Variants in VPS13B observed in about 807,000 individuals in gnomAD.
VPS13B encodes the protein vacuolar protein sorting 13 homolog B.
VPS13B carries 285 observed loss-of-function variants against 426.4 expected under a neutral mutation model. That is an observed-to-expected ratio of 0.67 (90% CI 0.61 to 0.74). The LOEUF (loss-of-function observed/expected upper bound fraction) is 0.74, where lower values mean the gene tolerates loss of function less well. VPS13B is among the 30% of genes least tolerant of loss of function. The probability of loss-of-function intolerance (pLI) is 0.00; values close to 1 mark genes in which losing one functional copy is unlikely to be tolerated. For synonymous variants in VPS13B, 1,676 were observed against 1,676.4 expected (o/e 1.00, Z 0.01); for missense variants, 4,537 against 4,782.6 (o/e 0.95, Z 1.51).
chr8:99,856,405 C>T (rs1475860706), intron 56 of VPS13B, among the ~76,000 whole-genome samples: 1 of 152,168 alleles, frequency 6.6e-6, no homozygotes, highest in African/African-American at 2.4e-5. Context: ...GCATCCTTGT[C>T]GAGGGAAGGG....
chr8:99,778,976 A>T lies in VPS13B; in HGVS notation c.7724A>T (p.Asn2575Ile), dbSNP rs549157416. The T allele has an allele frequency of 8.7e-6, 14 of 1,613,736 alleles. No homozygotes were observed. The highest frequency in any genetic ancestry group is 1.2e-5 in the Non-Finnish European group (14 of 1,179,858). ...CTVIVDSVFV[N>I]LGQHVVHSLN... ...GTGATAGTTGATTCTGTATTTGTAA[A>T]CCTTGGACAGCATGTAGTCCATTCA... is the stretch of plus-strand genomic sequence containing the variant. Residue 2575 changes from asparagine (N) to isoleucine (I), a missense_variant, in exon 42 of 62, where the codon AAC becomes ATC. Asn to Ile is a moderately radical substitution (Grantham distance 149). Around this residue, in one of 2 missense-constraint regions of VPS13B, gnomAD observed 4,311 missense variants for 4,474.3 expected, o/e 0.96. Coordinates refer to ENST00000357162, the MANE Select transcript of VPS13B (RefSeq NM_152564.5).
At position 99,103,096 on chromosome 8, in the gene VPS13B, G is replaced by T. The variant is rs1274877104; in HGVS notation, c.556G>T (p.Asp186Tyr). Residue 186 changes from aspartate to tyrosine, a missense_variant, in exon 5 of 62, where the codon GAT (aspartate) becomes TAT (tyrosine). By Grantham distance (160) the Asp-to-Tyr change is radical. Transcript: ENST00000357162. ...AECYTVGELW[D>Y]RAFMDISATD... Reference sequence around the variant, plus strand: ...ATGTTATACAGTAGGTGAATTATGGGATCGTGCATTCATGGATATTTCTGG... The same window carrying T: ...ATGTTATACAGTAGGTGAATTATGGTATCGTGCATTCATGGATATTTCTGG... 6.2e-7 allele frequency: 1 copy of T among 1,613,990 alleles called. No individual in the cohort carries two copies. Among genetic ancestry groups the T allele is most frequent in the Middle Eastern group, 1.7e-4 (1 of 6,058 alleles).
At chr8:99,052,640 G>A (rs1410251796) in intron 3 of VPS13B, among the ~76,000 whole-genome samples, 1 of 149,610 alleles carries the variant, frequency 6.7e-6, no homozygotes, top group Non-Finnish European at 1.5e-5. Flanking sequence ...GGTAGAATTC[G>A]GCCGTGAATC....
At chr8:99,212,010 A>C (rs900332191) in intron 17 of VPS13B, among the ~76,000 whole-genome samples, 10 of 151,582 alleles carry the variant, frequency 6.6e-5, no homozygotes, top group Non-Finnish European at 1.2e-4. Flanking sequence ...CTCCTGCCTC[A>C]GCCTCCTGAG....
At position 99,848,728 on chromosome 8, in the gene VPS13B, A is replaced by G. The variant is rs761523405; in HGVS notation, c.9943-48A>G. 3.8e-6 allele frequency: 6 copies of G among 1,563,568 alleles called. No individual in the cohort carries two copies. The East Asian group carries it at 1.1e-4, about 29-fold the overall frequency. ...ACATTTGAAGTCAAGCCACTTCAAT[A>G]GTGTTTCTTATTTCTTTTTAATCAG... is the stretch of plus-strand genomic sequence containing the variant. On this transcript the variant is annotated intron_variant, in intron 54 of 61. Transcript: ENST00000357162.
intron 19 of VPS13B, among the ~76,000 whole-genome samples, chr8:99,288,426 T>C (rs1819556605): frequency 6.6e-6 from 1 of 152,042 alleles, no homozygotes; most frequent in African/African-American, 2.4e-5. Flanking sequence ...GAGAGAATTA[T>C]GGTTATTTGG....
chr8:99,721,589 T>C (rs895868864), intron 39 of VPS13B, among the ~76,000 whole-genome samples: 1 of 152,202 alleles, frequency 6.6e-6, no homozygotes, highest in African/African-American at 2.4e-5. Context: ...TAAATGTCAT[T>C]GTGGATATCA....
At chr8:99,597,175 A>G (rs1465743451) in intron 33 of VPS13B, among the ~76,000 whole-genome samples, 1 of 151,832 alleles carries the variant, frequency 6.6e-6, no homozygotes, top group Non-Finnish European at 1.5e-5. Context: ...TGTGGTTTTG[A>G]TGGGGCTTCC....
chr8:99,257,942 A>C (rs993027947), intron 17 of VPS13B, among the ~76,000 whole-genome samples: 9 of 151,852 alleles, frequency 5.9e-5, no homozygotes, highest in Non-Finnish European at 1.0e-4. Flanking sequence ...ATTACTAAGA[A>C]CTTAGTTTCA....
intron 43 of VPS13B, among the ~76,000 whole-genome samples, chr8:99,807,415 C>G (rs1330675174): frequency 6.7e-6 from 1 of 148,806 alleles, no homozygotes; most frequent in Non-Finnish European, 1.5e-5. Context: ...AGTACCTTGC[C>G]TCATTATTTT....
chr8:99,633,806 GGTGTGTGTGTGTGTGTGTGT>G (rs139474452), intron 33 of VPS13B, among the ~76,000 whole-genome samples: 1 of 143,874 alleles, frequency 7.0e-6, no homozygotes, highest in African/African-American at 2.6e-5. Context: ...GAATGTGTCA[GGTGTGTGTGTGTGTGTGTGT>G]GTGTGTGTGT....
intron 33 of VPS13B, among the ~76,000 whole-genome samples, chr8:99,619,007 A>G (rs1031561867): frequency 6.6e-6 from 1 of 151,346 alleles, no homozygotes; most frequent in Admixed American, 6.6e-5. Flanking sequence ...TGCTTTCCTC[A>G]TGGTGGTGTT....
intron 39 of VPS13B, among the ~76,000 whole-genome samples, chr8:99,756,852 G>A (rs550460064): frequency 6.6e-5 from 10 of 152,142 alleles, no homozygotes; most frequent in Non-Finnish European, 1.2e-4. Context: ...ACATTATGGG[G>A]TCTATCTTAT....
chr8:99,234,438 T>C (rs905808559), intron 17 of VPS13B: 30 of 642,510 alleles, frequency 4.7e-5, no homozygotes, highest in Non-Finnish European at 9.0e-5. Context: ...TCCATGATTT[T>C]CCCATGCAAT....
At chr8:99,062,553 C>T (rs1208300915) in intron 3 of VPS13B, among the ~76,000 whole-genome samples, 1 of 152,214 alleles carries the variant, frequency 6.6e-6, no homozygotes, top group Non-Finnish European at 1.5e-5. Flanking sequence ...ACTGCAACCT[C>T]CGCCTCCCAG....
intron 21 of VPS13B, among the ~76,000 whole-genome samples, chr8:99,429,048 C>T (rs556376612): frequency 3.9e-5 from 6 of 152,048 alleles, no homozygotes; most frequent in Non-Finnish European, 7.4e-5. Context: ...CCAAACACAG[C>T]ATATTCTCAC....
intron 25 of VPS13B, among the ~76,000 whole-genome samples, chr8:99,490,575 C>T (rs886495866): frequency 3.3e-5 from 5 of 152,284 alleles, no homozygotes; most frequent in African/African-American, 1.2e-4. Flanking sequence ...GCCTCAATTT[C>T]AGAGCCTGTT....
intron 39 of VPS13B, among the ~76,000 whole-genome samples, chr8:99,727,336 A>G (rs1331654450): frequency 6.6e-6 from 1 of 152,232 alleles, no homozygotes; most frequent in African/African-American, 2.4e-5. Context: ...AAGATATGCA[A>G]AGTAACTTTA....
chr8:99,475,605 A>G (rs1278045501), intron 24 of VPS13B, among the ~76,000 whole-genome samples: 4 of 152,204 alleles, frequency 2.6e-5, no homozygotes, highest in Admixed American at 2.6e-4. Flanking sequence ...AGTACTTGGT[A>G]TATTCTCTAG....
Sources: gnomAD v4.1 joint callset for allele counts (sites outside exome capture counted in the v4.1 genomes callset) on GRCh38, gnomAD v4.1.1 for gene constraint, gnomAD v4.1.1 regional missense constraint, MANE v1.5 for transcripts, NCBI Gene and HGNC (gene_info 2026-07-23, HGNC 2026-07-21) for gene names.